Variants in ABTB2 observed in about 807,000 individuals in gnomAD.
ABTB2 encodes ankyrin repeat and BTB domain containing 2.
A neutral mutation model predicts 104.1 loss-of-function variants in ABTB2; 56 were observed. The ratio of observed to expected loss-of-function variants is 0.54; its 90% confidence interval spans 0.43 to 0.67. The LOEUF (loss-of-function observed/expected upper bound fraction) is 0.67. ABTB2 is among the 30% of genes least tolerant of loss of function. The pLI is 0.00. For missense variants in ABTB2, 1,279 were observed against 1,407.7 expected, an observed-to-expected ratio of 0.91 and a Z score of 1.46; for synonymous variants, 606 against 608.2, an observed-to-expected ratio of 1.00 and a Z score of 0.05.
chr11:34,191,976 T>A (rs75428634), intron 3 of ABTB2, among the ~76,000 whole-genome samples: 1 of 152,302 alleles, frequency 6.6e-6, no homozygotes, highest in East Asian at 1.9e-4. Context: ...AGATACTCAG[T>A]GTGTCCTAGG....
At chr11:34,187,446 C>T (rs891519354) in intron 3 of ABTB2, among the ~76,000 whole-genome samples, 5 of 150,568 alleles carry the variant, frequency 3.3e-5, no homozygotes, top group Admixed American at 2.6e-4. Context: ...AAATGGGCCT[C>T]GTTTAACAAG....
intron 1 of ABTB2, chr11:34,335,472 A>G (rs1855182976): frequency 6.1e-6 from 5 of 817,552 alleles, no homozygotes; most frequent in Admixed American, 5.8e-5. Flanking sequence ...TTTCTGTGTT[A>G]CAGTCAGAAT....
At chr11:34,291,319 T>A (rs942186582) in intron 1 of ABTB2, among the ~76,000 whole-genome samples, 2 of 152,222 alleles carry the variant, frequency 1.3e-5, no homozygotes, top group Admixed American at 1.3e-4. Flanking sequence ...TGAAGGGGTC[T>A]GTAAGCACAT....
chr11:34,152,372 C>T lies in ABTB2; in HGVS notation c.*15G>A, dbSNP rs1288663255. On this transcript the variant is annotated 3_prime_UTR_variant, in exon 17 of 17. Transcript: ENST00000435224. ...CCTCCACAGGCCCTGGCCTCGGCAG[C>T]CTCCGCCCCCTGCCTCACACCCGGG... 1.3e-6 allele frequency: 2 copies of T among 1,550,532 alleles called. No homozygotes were observed. The highest frequency in any genetic ancestry group is 1.2e-5 in the South Asian group (1 of 84,172).
chr11:34,219,192 T>C (rs1211210199), intron 1 of ABTB2, among the ~76,000 whole-genome samples: 2 of 152,184 alleles, frequency 1.3e-5, no homozygotes, highest in Admixed American at 1.3e-4. Flanking sequence ...ATGTGCTGCA[T>C]GACATTTTGG....
chr11:34,176,184 G>A (rs758734490), intron 3 of ABTB2, among the ~76,000 whole-genome samples: 1 of 145,788 alleles, frequency 6.9e-6, no homozygotes, highest in Non-Finnish European at 1.5e-5. Flanking sequence ...GGAGGCTGAG[G>A]CATAAGTATC....
At chr11:34,224,307 G>A (rs1853660842) in intron 1 of ABTB2, among the ~76,000 whole-genome samples, 1 of 152,038 alleles carries the variant, frequency 6.6e-6, no homozygotes, top group African/African-American at 2.4e-5. Flanking sequence ...ACCATGCCCA[G>A]CCTAATTTTA....
At chr11:34,301,582 C>T (rs1308773530) in intron 1 of ABTB2, among the ~76,000 whole-genome samples, 1 of 152,206 alleles carries the variant, frequency 6.6e-6, no homozygotes, top group Non-Finnish European at 1.5e-5. Flanking sequence ...CTCTGAATAA[C>T]ACATTTTAGC....
chr11:34,265,118 G>C (rs1854232114), intron 1 of ABTB2, among the ~76,000 whole-genome samples: 1 of 152,216 alleles, frequency 6.6e-6, no homozygotes, highest in African/African-American at 2.4e-5. Flanking sequence ...TCCTAAGGAA[G>C]ATGCAGGGAT....
At chr11:34,228,964 C>T (rs1048756465) in intron 1 of ABTB2, among the ~76,000 whole-genome samples, 3 of 151,696 alleles carry the variant, frequency 2.0e-5, no homozygotes, top group African/African-American at 7.2e-5. Context: ...TACTAAAATA[C>T]AAAAATTAGC....
At position 34,162,051 on chromosome 11, in the gene ABTB2, G is replaced by A. The variant is rs79349203; in HGVS notation, c.2218+525C>T. 1.6e-4 allele frequency among the ~76,000 whole-genome samples: 25 copies of A among 151,674 alleles called. No homozygotes were observed. In the East Asian group the frequency reaches 4.6e-3, roughly 28 times the overall value. ...CCTCATTCTTAGATAAGGATCATTA[G>A]CACCAAAGCCACAGAGGTGGGAGTT... On this transcript the variant is annotated intron_variant, in intron 10 of 16. Coordinates refer to ENST00000435224, the MANE Select transcript of ABTB2 (RefSeq NM_145804.3).
Position 34,168,223 on chromosome 11 carries a change from C to G in ABTB2, c.1564-231G>C, listed in dbSNP as rs751526114. Among the ~76,000 whole-genome samples the G allele has an allele frequency of 1.3e-4, 20 of 152,326 alleles. No homozygotes were observed. The Middle Eastern group carries it at 0.014, about 104-fold the overall frequency. ...ACACTGGAGCAGGGCCCAGCACAGG[C>G]CGTGCAGCCAGGCTCGGTGCCAAGG... On this transcript the variant is annotated intron_variant, in intron 5 of 16. Transcript: ENST00000435224.
At chr11:34,195,075 C>CGT (rs1554982288) in intron 3 of ABTB2, among the ~76,000 whole-genome samples, 3 of 18,064 alleles carry the variant, frequency 1.7e-4, no homozygotes, top group Non-Finnish European at 6.0e-4. Flanking sequence ...AGATGCCCGG[C>CGT]GGGGGGGGGG....
intron 1 of ABTB2, among the ~76,000 whole-genome samples, chr11:34,309,629 C>T (rs1005240239): frequency 5.3e-5 from 8 of 151,892 alleles, no homozygotes; most frequent in Non-Finnish European, 1.2e-4. Flanking sequence ...AATCCTAATA[C>T]TTGACATCAC....
intron 1 of ABTB2, among the ~76,000 whole-genome samples, chr11:34,341,869 G>T (rs1855265758): frequency 6.6e-6 from 1 of 152,134 alleles, no homozygotes; most frequent in Admixed American, 6.5e-5. Flanking sequence ...GAGAGAAATG[G>T]CCATTTCCAA....
intron 13 of ABTB2, 49 bp from the exon 14 acceptor site, chr11:34,159,435 C>T: frequency 7.7e-7 from 1 of 1,292,038 alleles, no homozygotes; most frequent in South Asian, 1.2e-5. Flanking sequence ...TTTTACTTCA[C>T]CACTGTGTGG....
rs527617474 is a variant in ABTB2, at chr11:34,204,809, G to C, written c.884-119C>G. On this transcript the variant is annotated intron_variant, in intron 1 of 16. Transcript: ENST00000435224. ...CTGCTCTTGACAGAGAGAGGTTCAG[G>C]AGGTAAAATCTCTCTGAGCCTTGAG... 1.3e-5 allele frequency: 15 copies of C among 1,192,298 alleles called. No homozygotes were observed. The African/African-American group carries it at 2.2e-4, about 17-fold the overall frequency. 73.9% of individuals were successfully genotyped at this position (1,192,298 alleles called of 1,614,324 possible).
chr11:34,226,061 C>T (rs1306477211), intron 1 of ABTB2, among the ~76,000 whole-genome samples: 11 of 151,612 alleles, frequency 7.3e-5, no homozygotes, highest in South Asian at 4.2e-4. Context: ...AAAAATTAGC[C>T]GAGTGTTGCG....
intron 1 of ABTB2, among the ~76,000 whole-genome samples, chr11:34,354,716 C>G (rs1855444775): frequency 6.6e-6 from 1 of 152,238 alleles, no homozygotes. Flanking sequence ...AGAAGCTTCT[C>G]AATGTGCTGG....
Sources: allele counts gnomAD v4.1 joint callset (sites outside exome capture counted in the v4.1 genomes callset), GRCh38; gene constraint gnomAD v4.1.1; transcripts MANE v1.5; gene names NCBI Gene and HGNC (gene_info 2026-07-23, HGNC 2026-07-21).